MYH7: variants seen among roughly 807,000 people sequenced by gnomAD.
The protein encoded by MYH7 is myosin-7.
MYH7 carries 129 observed loss-of-function variants against 225.4 expected under a neutral mutation model. The ratio of observed to expected loss-of-function variants is 0.57; its 90% confidence interval spans 0.50 to 0.66. The LOEUF (loss-of-function observed/expected upper bound fraction) is 0.66. MYH7 is among the 30% of genes least tolerant of loss of function. The pLI is 0.00. For missense variants in MYH7, 1,649 were observed against 2,517.0 expected (o/e 0.66, Z 7.38); for synonymous variants, 971 against 1,007.6 (o/e 0.96, Z 0.69).
Position 23,425,074 on chromosome 14 carries a change from C to A in MYH7, c.2424-50G>T, listed in dbSNP as rs1892642112. Reference sequence around the variant, plus strand: ...GCTGAGCCTCCTGCCTCCTTCCTACCTGAGGTCCTGAAACCTTGGGAATAT... The same window carrying A: ...GCTGAGCCTCCTGCCTCCTTCCTACATGAGGTCCTGAAACCTTGGGAATAT... On this transcript the variant is annotated intron_variant, in intron 21 of 39. Transcript: ENST00000355349. This position sits in a 1 kb window ranked among gnomAD's most constrained non-coding sequence, Gnocchi z 4.6. 5 of 1,613,818 alleles carry A rather than the reference C, an allele frequency of 3.1e-6. No homozygotes were observed. The East Asian group carries it at 1.1e-4, about 36-fold the overall frequency.
Position 23,433,542 on chromosome 14 carries a change from TCG to T in MYH7, c.189_190del (p.Glu64ValfsTer34). On this transcript the variant is annotated frameshift_variant, in exon 3 of 40. Coordinates refer to ENST00000355349, the MANE Select transcript of MYH7 (RefSeq NM_000257.4). LOFTEE classifies it high-confidence loss of function. The surrounding 1 kb of genome is among the most constrained non-coding windows in gnomAD (Gnocchi z 4.1). ...CAGCCTGACACCCACCTTGCCATAC[TCG>T]GTCTCGGCAGTGACTTTGCCACCCT... The T allele has an allele frequency of 6.2e-7, 1 of 1,614,054 alleles. No homozygotes were observed. Among genetic ancestry groups the T allele is most frequent in the Non-Finnish European group, 8.5e-7 (1 of 1,180,010 alleles).
intron 9 of MYH7, 147 bp from the exon 10 acceptor site, chr14:23,431,146 G>A: frequency 1.4e-6 from 1 of 726,746 alleles, no homozygotes; most frequent in Non-Finnish European, 2.4e-6. Flanking sequence ...ATCACACAGA[G>A]AGATGGAAAC....
At chr14:23,414,195 C>T in intron 37 of MYH7, 93 bp from the exon 38 acceptor site, 2 of 1,057,892 alleles carry the variant, frequency 1.9e-6, no homozygotes, top group South Asian at 2.6e-5. Context: ...GATATCCTGA[C>T]CCAATTCTAC....
At chr14:23,420,307 C>G (rs1388752470) in intron 26 of MYH7, 73 bp from the exon 27 acceptor site, 5 of 1,562,582 alleles carry the variant, frequency 3.2e-6, no homozygotes, top group African/African-American at 2.7e-5. Context: ...CTAAAAGGCT[C>G]TCGGCTTCTC....
Position 23,419,467 on chromosome 14 carries a change from C to A in MYH7, c.3853+16G>T, listed in dbSNP as rs755724326. ...AGACTGTGGTGGGAACCATGGAGCCCCTGCTCTAGGCTCACCATTCTCGGT... is the reference window on the plus strand; with the variant it reads ...AGACTGTGGTGGGAACCATGGAGCCACTGCTCTAGGCTCACCATTCTCGGT... On this transcript the variant is annotated intron_variant, in intron 28 of 39. Transcript: ENST00000355349. 6.2e-7 allele frequency: 1 copy of A among 1,613,734 alleles called. No individual in the cohort carries two copies. The highest frequency in any genetic ancestry group is 1.7e-5 in the Admixed American group (1 of 60,018).
intron 25 of MYH7, 31 bp from the exon 26 acceptor site, chr14:23,421,079 G>C: frequency 6.4e-7 from 1 of 1,562,830 alleles, no homozygotes. Context: ...TGAGGTAAGG[G>C]AGACTCGTGG....
In MYH7 at chr14:23,423,563, T is replaced by C. The variant is rs397516177; in HGVS notation, c.3083A>G (p.Glu1028Gly). 1.2e-6 allele frequency: 2 copies of C among 1,613,812 alleles called. No individual in the cohort carries two copies. Among genetic ancestry groups the C allele is most frequent in the Non-Finnish European group, 1.7e-6 (2 of 1,179,992 alleles). Residue 1028 changes from glutamate to glycine, a missense_variant, in exon 24 of 40, where the codon GAG (glutamate) becomes GGG (glycine). Physicochemically the swap from Glu to Gly is moderately conservative, Grantham distance 98. This residue lies in a region of MYH7 where 282 missense variants were observed against 315.3 expected (regional missense o/e 0.89). Transcript: ENST00000355349. ...NTLTKAKVKL[E>G]QQVDDLEGSL... Reference sequence around the variant, plus strand: ...TCTACTCACATCATCCACTTGCTGCTCCAGCTTGACTTTGGCCTTAGTCAG... The same window carrying C: ...TCTACTCACATCATCCACTTGCTGCCCCAGCTTGACTTTGGCCTTAGTCAG...
In MYH7 at chr14:23,417,769, G is replaced by A. The variant is rs1595075622; in HGVS notation, c.4170-83C>T. The A allele has an allele frequency of 1.2e-5, 18 of 1,534,942 alleles. No individual in the cohort carries two copies. The East Asian group carries it at 3.7e-4, about 31-fold the overall frequency. ...AGGAAACAACATGAACCTTCTCAAA[G>A]ACAATCCTTGAAACCTCAGAAGTGT... On this transcript the variant is annotated intron_variant, in intron 30 of 39. Coordinates refer to ENST00000355349, the MANE Select transcript of MYH7 (RefSeq NM_000257.4).
intron 18 of MYH7, 69 bp downstream of exon 18, chr14:23,426,708 G>A (rs1009614643): frequency 1.4e-6 from 2 of 1,392,610 alleles, no homozygotes; most frequent in African/African-American, 1.4e-5. Flanking sequence ...GTAGGGAGAT[G>A]TCCTAGGAGG....
In MYH7 at chr14:23,433,651, T is replaced by C; in HGVS notation, c.82A>G (p.Thr28Ala). 6.2e-7 allele frequency: 1 copy of C among 1,614,266 alleles called. No homozygotes were observed. The highest frequency in any genetic ancestry group is 2.2e-5 in the East Asian group (1 of 44,888). ...KSEKERLEAQTRPFDLKKDVF... is the reference protein window; with the variant it reads ...KSEKERLEAQARPFDLKKDVF... ...TCCTTCTTGAGGTCAAAAGGCCTGG[T>C]CTGCGCTTCTAGCCGCTCCTTCTCT... The change falls in exon 3 of 40, where the codon ACC becomes GCC. Residue 28 changes from threonine to alanine, a missense_variant. Thr to Ala is a moderately conservative substitution (Grantham distance 58, BLOSUM62 0). Around this residue, in one of 12 missense-constraint regions of MYH7, gnomAD observed 91 missense variants for 96.5 expected, o/e 0.94. Coordinates refer to ENST00000355349, the MANE Select transcript of MYH7 (RefSeq NM_000257.4). The surrounding 1 kb of genome is among the most constrained non-coding windows in gnomAD (Gnocchi z 4.1).
rs730880806 is a variant in MYH7 at position 23,416,278 on chromosome 14, C to T, written c.4679G>A (p.Arg1560Gln). ...GATCTGGTTGAACTCCAGCTGGGCCCGGAGGATCTTGCCCTCCTCGTGCTC... is the reference window on the plus strand; with the variant it reads ...GATCTGGTTGAACTCCAGCTGGGCCTGGAGGATCTTGCCCTCCTCGTGCTC... The part of the protein sequence containing the change: ...SLEHEEGKIL[R>Q]AQLEFNQIKA... The change falls in exon 34 of 40, where the codon CGG (arginine) becomes CAG (glutamine). Residue 1560 changes from arginine (R) to glutamine (Q), a missense_variant. Around this residue, in one of 12 missense-constraint regions of MYH7, gnomAD observed 687 missense variants for 913.8 expected, o/e 0.75. Transcript: ENST00000355349. 2.1e-5 allele frequency: 34 copies of T among 1,612,492 alleles called. No individual in the cohort carries two copies. The Middle Eastern group carries it at 4.9e-4, about 23-fold the overall frequency.
chr14:23,428,379 C>T lies in MYH7; in HGVS notation c.1578+121G>A, dbSNP rs868864644. Reference sequence around the variant, plus strand: ...ACAACATAGGCTCTGGAACCAAGGGCTCGGATCCTTCAGCCCCTTCTATTT... The same window carrying T: ...ACAACATAGGCTCTGGAACCAAGGGTTCGGATCCTTCAGCCCCTTCTATTT... On this transcript the variant is annotated intron_variant, in intron 15 of 39. Coordinates refer to ENST00000355349, the MANE Select transcript of MYH7 (RefSeq NM_000257.4). 3.3e-5 allele frequency: 50 copies of T among 1,510,540 alleles called. No homozygotes were observed. The Middle Eastern group carries it at 9.6e-4, about 29-fold the overall frequency. 93.6% of individuals were successfully genotyped at this position (1,510,540 alleles called of 1,614,324 possible).
At chr14:23,430,723 C>T (rs373472040) in intron 10 of MYH7, 60 bp from the exon 11 acceptor site, 18 of 1,444,786 alleles carry the variant, frequency 1.2e-5, no homozygotes, top group South Asian at 2.3e-5. Flanking sequence ...GGAGGCTGCT[C>T]GCCACAGCAC....
intron 15 of MYH7, among the ~76,000 whole-genome samples, chr14:23,428,143 C>T (rs1419403126): frequency 1.3e-5 from 2 of 152,168 alleles, no homozygotes; most frequent in Non-Finnish European, 2.9e-5. Context: ...CTCCACGACC[C>T]AGATGCCTGA....
At chr14:23,430,396 C>T (rs1892878982) in intron 11 of MYH7, among the ~76,000 whole-genome samples, 164 bp downstream of exon 11, 1 of 152,180 alleles carries the variant, frequency 6.6e-6, no homozygotes, top group African/African-American at 2.4e-5. Flanking sequence ...TGTCTCACCT[C>T]ATCCATTCCC....
Position 23,422,256 on chromosome 14 carries a change from C to CTGGGTCAG in MYH7, c.3168_3169insCTGACCCA (p.Gly1057LeufsTer6). 1 of 1,614,062 alleles carries CTGGGTCAG rather than the reference C, an allele frequency of 6.2e-7. No individual in the cohort carries two copies. The stretch of plus-strand genomic sequence containing the variant: ...CTCTCCTGGGTCAGCTTCAGGTCGC[C>CTGGGTCAG]CTCCAGCTTCCGCTTCGCTCGCTCC... On this transcript the variant is annotated frameshift_variant, in exon 25 of 40. Transcript: ENST00000355349. LOFTEE classifies it high-confidence loss of function.
At chr14:23,423,418 C>G (rs945197419) in intron 24 of MYH7, 129 bp downstream of exon 24, 24 of 1,295,356 alleles carry the variant, frequency 1.9e-5, no homozygotes, top group Non-Finnish European at 2.4e-5. Flanking sequence ...ACCCTACCCC[C>G]CTCTAAACAT....
intron 25 of MYH7, chr14:23,421,879 G>T (rs1273361771): frequency 4.3e-6 from 3 of 701,914 alleles, no homozygotes; most frequent in Non-Finnish European, 5.2e-6. Flanking sequence ...CAAGGAACTG[G>T]TCTCCAAAGA....
Position 23,424,874 on chromosome 14 carries a change from G to C in MYH7, c.2574C>G (p.Arg858=), listed in dbSNP as rs1202669410. 6.2e-7 allele frequency: 1 copy of C among 1,614,210 alleles called. No individual in the cohort carries two copies. Residue 858 remains arginine, a synonymous_variant, in exon 22 of 40, where the codon CGC becomes CGG. Coordinates refer to ENST00000355349, the MANE Select transcript of MYH7 (RefSeq NM_000257.4). ...CGGACTTCTCTAGCGCCTCTTTGAG[G>C]CGTGTGAACTCCTCCTTCATGGAGG... ...EMASMKEEFT[R]LKEALEKSEA...
Sources: gnomAD v4.1 joint callset for allele counts (sites outside exome capture counted in the v4.1 genomes callset) on GRCh38, gnomAD v4.1.1 for gene constraint, gnomAD v4.1.1 regional missense constraint, Gnocchi (gnomAD v3.1) non-coding constraint, MANE v1.5 for transcripts, NCBI Gene and HGNC (gene_info 2026-07-23, HGNC 2026-07-21) for gene names.